COL10A1: variants seen among roughly 807,000 people sequenced by gnomAD.
COL10A1 encodes collagen alpha-1(X) chain.
In COL10A1, 10 loss-of-function variants were observed where a neutral mutation model predicts 18.2. The observed-to-expected ratio is 0.55, with a 90% CI of 0.34 to 0.93. The LOEUF is 0.93. Among genes scored for constraint, COL10A1 ranks in the 40% least tolerant of loss-of-function variants. The pLI is 0.02. For missense variants in COL10A1, 897 were observed against 853.5 expected, an observed-to-expected ratio of 1.05 and a Z score of -0.64; for synonymous variants, 330 against 316.6, an observed-to-expected ratio of 1.04 and a Z score of -0.45.
upstream of COL10A1, among the ~76,000 whole-genome samples, chr6:116,128,368 A>G (rs1217096999): frequency 1.3e-5 from 2 of 152,012 alleles, no homozygotes; most frequent in East Asian, 1.9e-4. Context: ...ATTTAAAACT[A>G]TTTTTACTCT....
chr6:116,122,285 A>T (rs1370789894), intron 2 of COL10A1, among the ~76,000 whole-genome samples: 2 of 152,210 alleles, frequency 1.3e-5, no homozygotes, highest in Non-Finnish European at 2.9e-5. Flanking sequence ...TGGGAAAATC[A>T]TGTACAGAAA....
chr6:116,145,171 C>T (rs1779865532), intron 1 of COL10A1, among the ~76,000 whole-genome samples: 1 of 152,094 alleles, frequency 6.6e-6, no homozygotes, highest in Non-Finnish European at 1.5e-5. Context: ...CCTCACTCTG[C>T]AGTGAGAAGT....
chr6:116,125,700 G>A (rs189117705), intron 1 of COL10A1, 193 bp from the exon 2 acceptor site: 4 of 459,076 alleles, frequency 8.7e-6, no homozygotes, highest in African/African-American at 6.0e-5. Flanking sequence ...ATTTTTGGAA[G>A]CTATACTCAG....
the COL10A1 span, among the ~76,000 whole-genome samples, chr6:116,214,398 C>T: frequency 6.6e-6 from 1 of 152,012 alleles, no homozygotes; most frequent in Non-Finnish European, 1.5e-5. Context: ...TATCAGATAA[C>T]GTTAAATATG....
the COL10A1 span, among the ~76,000 whole-genome samples, chr6:116,217,068 G>A: frequency 2.6e-5 from 4 of 152,176 alleles, no homozygotes; most frequent in African/African-American, 9.6e-5. Context: ...CATGCAAACA[G>A]TAGTGATACA....
the COL10A1 span, among the ~76,000 whole-genome samples, chr6:116,172,317 C>CTTTTTTTTTTTT: frequency 9.3e-6 from 1 of 108,032 alleles, no homozygotes; most frequent in African/African-American, 3.6e-5. Flanking sequence ...CCCTTAGTAA[C>CTTTTTTTTTTTT]TTTTTTTTTT....
upstream of COL10A1, among the ~76,000 whole-genome samples, chr6:116,161,055 A>G (rs992125693): frequency 6.6e-6 from 1 of 151,866 alleles, no homozygotes; most frequent in East Asian, 1.9e-4. Context: ...CATGGATGAA[A>G]TTGGAAATCA....
chr6:116,147,726 A>G lies in COL10A1; in HGVS notation c.-16+10888T>C, dbSNP rs564212401. Among the ~76,000 whole-genome samples the G allele has an allele frequency of 2.6e-5, 4 of 152,348 alleles. No homozygotes were observed. The South Asian group carries it at 8.3e-4, about 32-fold the overall frequency. ...TTAAATGCACATTCACCCAAGAATT[A>G]TATCTCTAAGAATTTATATTACAGA... On this transcript the variant is annotated intron_variant, in intron 1 of 1. Coordinates refer to the COL10A1 transcript ENST00000418500.
chr6:116,157,058 A>G (rs1780213456), intron 1 of COL10A1, among the ~76,000 whole-genome samples: 1 of 152,124 alleles, frequency 6.6e-6, no homozygotes. Context: ...CTTCCACCAA[A>G]TAGACATGGA....
At chr6:116,196,724 T>G in the COL10A1 span, among the ~76,000 whole-genome samples, 1 of 152,106 alleles carries the variant, frequency 6.6e-6, no homozygotes, top group Admixed American at 6.6e-5. Flanking sequence ...GGGTTGTGTT[T>G]GCTGCTTCTT....
intron 1 of COL10A1, among the ~76,000 whole-genome samples, chr6:116,143,339 T>G (rs1481752665): frequency 6.6e-6 from 1 of 152,142 alleles, no homozygotes; most frequent in Non-Finnish European, 1.5e-5. Flanking sequence ...ACCTCTCAAG[T>G]AGCTGGGATT....
At chr6:116,150,920 T>C (rs902045237) in intron 1 of COL10A1, among the ~76,000 whole-genome samples, 1 of 152,222 alleles carries the variant, frequency 6.6e-6, no homozygotes, top group African/African-American at 2.4e-5. Context: ...TTAGGTACTA[T>C]GATTGACATT....
chr6:116,148,992 T>C (rs1368972241), intron 1 of COL10A1, among the ~76,000 whole-genome samples: 3 of 152,226 alleles, frequency 2.0e-5, no homozygotes, highest in Non-Finnish European at 4.4e-5. Flanking sequence ...GTGATGAGAA[T>C]TGACAATTCT....
chr6:116,203,138 T>G, the COL10A1 span, among the ~76,000 whole-genome samples: 1 of 152,020 alleles, frequency 6.6e-6, no homozygotes, highest in African/African-American at 2.4e-5. Flanking sequence ...CAAACCAAAT[T>G]ACCAAGTGGT....
At position 116,120,811 on chromosome 6, in the gene COL10A1, G is replaced by A; in HGVS notation, c.1305C>T (p.His435=). 6.2e-7 allele frequency: 1 copy of A among 1,612,818 alleles called. No homozygotes were observed. The highest frequency in any genetic ancestry group is 2.2e-5 in the East Asian group (1 of 44,876). ...CACCTCTTGGGCCAGCCTCTCCATT[G>A]TGTCCGGGCATTCCCTTTGCTCCTG... ...GPAGAKGMPG[H]NGEAGPRGAP... The change falls in exon 3 of 3, where the codon CAC becomes CAT. Residue 435 remains histidine, a synonymous_variant. Transcript: ENST00000651968.
chr6:116,146,644 T>C (rs1277231962), intron 1 of COL10A1, among the ~76,000 whole-genome samples: 11 of 152,216 alleles, frequency 7.2e-5, no homozygotes, highest in Non-Finnish European at 1.3e-4. Flanking sequence ...CAGTTTCCTA[T>C]AGTTATGTTA....
intron 1 of COL10A1, among the ~76,000 whole-genome samples, chr6:116,154,227 A>G (rs1780123875): frequency 6.6e-6 from 1 of 152,136 alleles, no homozygotes; most frequent in African/African-American, 2.4e-5. Flanking sequence ...AATGTGTGAA[A>G]TTTAAAAATA....
At chr6:116,192,829 C>T in the COL10A1 span, among the ~76,000 whole-genome samples, 5 of 152,014 alleles carry the variant, frequency 3.3e-5, no homozygotes, top group African/African-American at 7.2e-5. Flanking sequence ...CTTCTTTGGC[C>T]TCCTACTATT....
rs771118636 is a variant in COL10A1 at position 116,121,445 on chromosome 6, T to C, written c.671A>G (p.Glu224Gly). 26 of 1,613,962 alleles carry C rather than the reference T, an allele frequency of 1.6e-5. No individual in the cohort carries two copies. Among genetic ancestry groups the C allele is most frequent in the Middle Eastern group, 3.3e-4 (2 of 6,084 alleles). Residue 224 changes from glutamate to glycine, a missense_variant, in exon 3 of 3, where the codon GAA (glutamate) becomes GGA (glycine). Coordinates refer to ENST00000651968, the MANE Select transcript of COL10A1 (RefSeq NM_000493.4). ...SGPPGVGKRG[E>G]NGVPGQPGIK... is the part of the protein sequence containing the mutation. Reference sequence around the variant, plus strand: ...GCCTGGCTGTCCTGGAACCCCATTTTCACCTCTTTTTCCCACTCCAGGAGG... The same window carrying C: ...GCCTGGCTGTCCTGGAACCCCATTTCCACCTCTTTTTCCCACTCCAGGAGG...
Sources: allele counts gnomAD v4.1 joint callset (sites outside exome capture counted in the v4.1 genomes callset), GRCh38; gene constraint gnomAD v4.1.1; transcripts MANE v1.5; gene names NCBI Gene and HGNC (gene_info 2026-07-23, HGNC 2026-07-21).